Variants in DGKB observed in about 807,000 individuals in gnomAD.
DGKB encodes diacylglycerol kinase beta, also known as 90 kDa diacylglycerol kinase.
Under a neutral mutation model 114.3 loss-of-function variants are expected in DGKB, and 67 were observed. The ratio of observed to expected loss-of-function variants is 0.59; its 90% confidence interval spans 0.48 to 0.72. DGKB has a LOEUF of 0.72. Among genes scored for constraint, DGKB ranks in the 30% least tolerant of loss-of-function variants. DGKB has a pLI of 0.00. For missense variants in DGKB, 907 were observed against 975.2 expected (o/e 0.93, Z 0.93); for synonymous variants, 398 against 323.1 (o/e 1.23, Z -2.49).
At chr7:14,158,204 A>G (rs116477944) in intron 25 of DGKB, among the ~76,000 whole-genome samples, 1,966 of 152,294 alleles carry the variant, frequency 0.013, 40 homozygotes, top group African/African-American at 0.045. Context: ...TAGTGTTACT[A>G]TATTTAGTCC....
intron 13 of DGKB, among the ~76,000 whole-genome samples, chr7:14,633,865 T>A (rs557698142): frequency 4.0e-5 from 6 of 151,692 alleles, no homozygotes; most frequent in Non-Finnish European, 8.9e-5. Context: ...AGGGCACTCA[T>A]TAAGTTCAAT....
At chr7:14,420,837 G>A (rs948855993) in intron 21 of DGKB, among the ~76,000 whole-genome samples, 2 of 152,006 alleles carry the variant, frequency 1.3e-5, no homozygotes, top group East Asian at 1.9e-4. Context: ...AGGGTCTGGA[G>A]GCAGGGAAGC....
intron 13 of DGKB, among the ~76,000 whole-genome samples, chr7:14,667,724 T>A (rs1420888506): frequency 6.6e-6 from 1 of 152,142 alleles, no homozygotes; most frequent in Non-Finnish European, 1.5e-5. Context: ...CAGCTGGAGC[T>A]GATTAAGCAA....
intron 23 of DGKB, among the ~76,000 whole-genome samples, chr7:14,274,626 T>TA (rs1798730695): frequency 6.6e-6 from 1 of 152,210 alleles, no homozygotes; most frequent in Admixed American, 6.5e-5. Context: ...ATTCATCTCT[T>TA]ACAGTTTAGA....
At chr7:14,300,364 C>T (rs1020360777) in intron 23 of DGKB, among the ~76,000 whole-genome samples, 9 of 151,886 alleles carry the variant, frequency 5.9e-5, no homozygotes, top group Admixed American at 6.6e-5. Context: ...TCATAAATAC[C>T]GTGTACTAAT....
At chr7:14,182,440 TCC>T (rs1192855953) in intron 23 of DGKB, among the ~76,000 whole-genome samples, 1 of 152,104 alleles carries the variant, frequency 6.6e-6, no homozygotes, top group Admixed American at 6.6e-5. Context: ...TATAACTGAC[TCC>T]CTTTTTTAGC....
chr7:14,215,406 T>G (rs1788796582), intron 23 of DGKB, among the ~76,000 whole-genome samples: 2 of 152,098 alleles, frequency 1.3e-5, no homozygotes, highest in Non-Finnish European at 2.9e-5. Context: ...AGCATAAATA[T>G]TATTCATTCT....
At chr7:14,752,928 TG>T (rs1353082437) in intron 4 of DGKB, among the ~76,000 whole-genome samples, 2 of 152,124 alleles carry the variant, frequency 1.3e-5, no homozygotes, top group Non-Finnish European at 2.9e-5. Context: ...AGTCCATATT[TG>T]GGGAAACAAG....
chr7:14,543,700 C>A (rs899516132), intron 20 of DGKB, among the ~76,000 whole-genome samples: 1 of 152,174 alleles, frequency 6.6e-6, no homozygotes, highest in African/African-American at 2.4e-5. Flanking sequence ...CAATGTTACT[C>A]TCACACATAG....
intron 20 of DGKB, among the ~76,000 whole-genome samples, chr7:14,560,186 T>C (rs919650286): frequency 7.9e-5 from 12 of 152,198 alleles, no homozygotes; most frequent in Admixed American, 7.2e-4. Context: ...TCTCTTTTTT[T>C]ATTGTTGTAA....
At position 14,149,181 on chromosome 7, in the gene DGKB, CG is replaced by C; in HGVS notation, c.2361del (p.Gly788ValfsTer24). On this transcript the variant is annotated frameshift_variant, in exon 26 of 26. Coordinates refer to ENST00000402815, the MANE Select transcript of DGKB (RefSeq NM_001350709.2). LOFTEE classifies it high-confidence loss of function. ...APMLMGPPPK[T>X]GLFCSLVKRT... ...CTTTTGACGAGGGAGCAGAATAAAC[CG>C]GTTTTTGGAGGCGGGCCCATCAGCA... is the stretch of plus-strand genomic sequence containing the variant. 1 of 1,613,226 alleles carries C rather than the reference CG, an allele frequency of 6.2e-7. No homozygotes were observed. Among genetic ancestry groups the C allele is most frequent in the Non-Finnish European group, 8.5e-7 (1 of 1,179,532 alleles).
intron 20 of DGKB, among the ~76,000 whole-genome samples, chr7:14,530,245 A>G (rs1026478566): frequency 6.6e-6 from 1 of 151,560 alleles, no homozygotes; most frequent in African/African-American, 2.4e-5. Flanking sequence ...AATTATATAC[A>G]CTGTTTTACG....
At chr7:14,453,791 A>G (rs867031824) in intron 21 of DGKB, among the ~76,000 whole-genome samples, 3 of 152,094 alleles carry the variant, frequency 2.0e-5, no homozygotes, top group Non-Finnish European at 4.4e-5. Context: ...GCAGCCAAAG[A>G]TAGCAGAAAA....
chr7:14,878,147 C>A (rs1023784624), intron 1 of DGKB, among the ~76,000 whole-genome samples: 1 of 151,570 alleles, frequency 6.6e-6, no homozygotes, highest in Non-Finnish European at 1.5e-5. Flanking sequence ...TGTGTATTAC[C>A]CTTGCACATA....
chr7:14,765,755 C>T (rs974815987), intron 2 of DGKB, among the ~76,000 whole-genome samples: 10 of 151,980 alleles, frequency 6.6e-5, no homozygotes, highest in African/African-American at 2.4e-4. Context: ...GCCTTCGAGC[C>T]ACTCATCTAT....
At chr7:14,485,767 C>T (rs1783708691) in intron 20 of DGKB, among the ~76,000 whole-genome samples, 2 of 151,564 alleles carry the variant, frequency 1.3e-5, no homozygotes, top group Admixed American at 6.6e-5. Context: ...TAGTGGGCAC[C>T]TGTAATCCCA....
At chr7:14,833,982 C>T (rs10215557) in intron 2 of DGKB, among the ~76,000 whole-genome samples, 287 of 152,238 alleles carry the variant, frequency 1.9e-3, no homozygotes, top group African/African-American at 6.5e-3. Flanking sequence ...TCTGTCTCTC[C>T]GAACAGGCTG....
chr7:14,822,523 A>G (rs1845085719), intron 2 of DGKB, among the ~76,000 whole-genome samples: 1 of 152,170 alleles, frequency 6.6e-6, no homozygotes, highest in Non-Finnish European at 1.5e-5. Flanking sequence ...AGTTAAAACT[A>G]TTGACCATTA....
At chr7:14,934,942 C>T (rs1349989907) in intron 1 of DGKB, among the ~76,000 whole-genome samples, 1 of 152,134 alleles carries the variant, frequency 6.6e-6, no homozygotes. Flanking sequence ...ATTCTACCTA[C>T]AGCCTAATGT....
Sources: gnomAD v4.1 joint callset for allele counts (sites outside exome capture counted in the v4.1 genomes callset) on GRCh38, gnomAD v4.1.1 for gene constraint, MANE v1.5 for transcripts, NCBI Gene and HGNC (gene_info 2026-07-23, HGNC 2026-07-21) for gene names.